Variants in MAN2B1 observed in about 807,000 individuals in gnomAD.
The protein encoded by MAN2B1 is lysosomal alpha-mannosidase.
In MAN2B1, 99 loss-of-function variants were observed where a neutral mutation model predicts 127.5. The observed-to-expected ratio is 0.78, with a 90% CI of 0.66 to 0.92. MAN2B1 has a LOEUF of 0.92. MAN2B1 is among the 40% of genes least tolerant of loss of function. MAN2B1 has a pLI of 0.00. For missense variants in MAN2B1, 1,304 were observed against 1,384.8 expected (o/e 0.94, Z 0.93); for synonymous variants, 573 against 568.8 (o/e 1.01, Z -0.11).
Position 12,650,115 on chromosome 19 carries a change from C to G in MAN2B1, c.2154G>C (p.Pro718=), listed in dbSNP as rs1239156445. 6.2e-7 allele frequency: 1 copy of G among 1,613,838 alleles called. No individual in the cohort carries two copies. Among genetic ancestry groups the G allele is most frequent in the Non-Finnish European group, 8.5e-7 (1 of 1,179,836 alleles). The change falls in exon 17 of 24, where the codon CCG becomes CCC. Residue 718 remains proline (P), a synonymous_variant. Transcript: ENST00000456935. ...CCTGTGCCACTCACCCCACAGGTATCGGCCCCACCGACCACTCTAGCTCCA... is the reference window on the plus strand; with the variant it reads ...CCTGTGCCACTCACCCCACAGGTATGGGCCCCACCGACCACTCTAGCTCCA... ...RHLELEWSVG[P]IPVGDTWGKE... is the part of the protein sequence containing the mutation.
chr19:12,660,883 C>T (rs1204496085), intron 7 of MAN2B1: 1 of 301,310 alleles, frequency 3.3e-6, no homozygotes, highest in Non-Finnish European at 6.6e-6. Flanking sequence ...CTCAGGCTCC[C>T]GAGTAGCTGG....
At chr19:12,656,162 T>C (rs1383448533) in intron 13 of MAN2B1, 1 of 409,970 alleles carries the variant, frequency 2.4e-6, no homozygotes, top group South Asian at 3.0e-5. Flanking sequence ...GAGGAAGAGG[T>C]TTGGGGGAGG....
In MAN2B1 at chr19:12,656,970, C is replaced by T. The variant is rs1167317443; in HGVS notation, c.1506G>A (p.Pro502=). ...TCACGCGCGCCGCCGTCTGGCTGAG[C>T]GGGCAGATGCTGATGTTTAGCTGTT... ...FCQQLNISIC[P]LSQTAARFQV... is the part of the protein sequence containing the mutation. The change falls in exon 12 of 24, where the codon CCG becomes CCA. Residue 502 remains proline (P), a synonymous_variant. Coordinates refer to ENST00000456935, the MANE Select transcript of MAN2B1 (RefSeq NM_000528.4). 6.8e-6 allele frequency: 11 copies of T among 1,613,382 alleles called. No homozygotes were observed. The African/African-American group carries it at 1.3e-4, about 20-fold the overall frequency.
rs2145225321 is a variant in MAN2B1 at position 12,648,298 on chromosome 19, G to A, written c.2541C>T (p.Asp847=). 4 of 1,612,718 alleles carry A rather than the reference G, an allele frequency of 2.5e-6. No individual in the cohort carries two copies. Among genetic ancestry groups the A allele is most frequent in the Non-Finnish European group, 3.4e-6 (4 of 1,179,742 alleles). ...GTCCGGCGGCTGCAGCCTGGGCTGT[G>A]TCCAGCAGCACCAGGTGGCGCCCTC... ...WVRGRHLVLL[D]TAQAAAAGHR... Residue 847 remains aspartate, a synonymous_variant, in exon 21 of 24, where the codon GAC becomes GAT. Transcript: ENST00000456935.
At chr19:12,649,699 G>A (rs1264155239) in intron 18 of MAN2B1, among the ~76,000 whole-genome samples, 2 of 151,778 alleles carry the variant, frequency 1.3e-5, no homozygotes, top group Non-Finnish European at 2.9e-5. Flanking sequence ...AGCCAGGATA[G>A]TCTCGATCTC....
chr19:12,649,036 G>A, intron 20 of MAN2B1, 100 bp downstream of exon 20: 1 of 958,366 alleles, frequency 1.0e-6, no homozygotes, highest in East Asian at 2.5e-5. Flanking sequence ...CAGCTTAGTG[G>A]GGCCTGAAAG....
chr19:12,659,094 T>C (rs1163613892), intron 7 of MAN2B1: 1 of 166,126 alleles, frequency 6.0e-6, no homozygotes, highest in Non-Finnish European at 1.3e-5. Context: ...CCTGACCTCA[T>C]GATCCGCCCG....
rs2023735522 is a variant in MAN2B1 at position 12,647,973 on chromosome 19, G to A, written c.2664+202C>T. ...GTTGGTGGTTTAGGGGCATGAGCTA[G>A]GGCTGTGCCTCTACACAGTCCAGGG... On this transcript the variant is annotated intron_variant, in intron 21 of 23. Coordinates refer to ENST00000456935, the MANE Select transcript of MAN2B1 (RefSeq NM_000528.4). The surrounding 1 kb of genome is among the most constrained non-coding windows in gnomAD (Gnocchi z 4.9). 1.3e-5 allele frequency among the ~76,000 whole-genome samples: 2 copies of A among 152,164 alleles called. No individual in the cohort carries two copies. The highest frequency in any genetic ancestry group is 4.1e-4 in the South Asian group (2 of 4,834).
Position 12,658,362 on chromosome 19 carries a change from T to C in MAN2B1, c.1110-18A>G, listed in dbSNP as rs749676791. On this transcript the variant is annotated intron_variant, in intron 8 of 23. Transcript: ENST00000456935. Reference sequence around the variant, plus strand: ...TCACTGACCTACAGCGGCAGGGGCATTGAGGGCAGGGTCATGACCCACGGG... The same window carrying C: ...TCACTGACCTACAGCGGCAGGGGCACTGAGGGCAGGGTCATGACCCACGGG... 4.3e-6 allele frequency: 7 copies of C among 1,614,188 alleles called. No individual in the cohort carries two copies. The highest frequency in any genetic ancestry group is 2.7e-5 in the African/African-American group (2 of 75,042).
intron 14 of MAN2B1, 76 bp from the exon 15 acceptor site, chr19:12,652,536 CTT>C (rs71168621): frequency 5.5e-4 from 429 of 777,068 alleles, no homozygotes; most frequent in East Asian, 9.4e-4. Flanking sequence ...TTTCTTTTTT[CTT>C]TTTTTTTTTT....
chr19:12,654,959 C>T (rs184256071), intron 14 of MAN2B1, among the ~76,000 whole-genome samples: 231 of 152,252 alleles, frequency 1.5e-3, no homozygotes, highest in Non-Finnish European at 3.0e-3. Flanking sequence ...ATCCACGATG[C>T]CTGGCCTATT....
chr19:12,650,973 C>CT (rs60721799), intron 16 of MAN2B1, among the ~76,000 whole-genome samples: 10,554 of 130,246 alleles, frequency 0.081, 549 homozygotes, highest in African/African-American at 0.13. Flanking sequence ...CACCCGGCCT[C>CT]TTTTTTTTTT....
intron 7 of MAN2B1, chr19:12,660,752 ATTTTTTTTTTTTTTT>A (rs1168857464): frequency 9.8e-6 from 1 of 102,094 alleles, no homozygotes; most frequent in Non-Finnish European, 1.9e-5. Context: ...CTCAGGCTGG[ATTTTTTTTTTTTTTT>A]TTTTTTTTTG....
Position 12,648,396 on chromosome 19 carries a change from G to T in MAN2B1, c.2443C>A (p.Arg815=), listed in dbSNP as rs1269545884. The T allele has an allele frequency of 6.2e-7, 1 of 1,611,502 alleles. No individual in the cohort carries two copies. The highest frequency in any genetic ancestry group is 2.2e-5 in the East Asian group (1 of 44,786). ...CGTCCATCGTCCTTCAGCAGCCTTC[G>T]GTGCACCTGGGGGGAGAGTGGCCAG... The part of the protein sequence containing the change: ...RDGSLELMVH[R]RLLKDDGRGV... The change falls in exon 21 of 24, where the codon CGA becomes AGA. Residue 815 remains arginine (R), a synonymous_variant. Coordinates refer to ENST00000456935, the MANE Select transcript of MAN2B1 (RefSeq NM_000528.4).
Position 12,658,354 on chromosome 19 carries a change from C to T in MAN2B1, c.1110-10G>A. 1 of 1,614,228 alleles carries T rather than the reference C, an allele frequency of 6.2e-7. No homozygotes were observed. Among genetic ancestry groups the T allele is most frequent in the South Asian group, 1.1e-5 (1 of 91,090 alleles). ...GTCATGTTTCACTGACCTACAGCGG[C>T]AGGGGCATTGAGGGCAGGGTCATGA... On this transcript the variant is annotated splice_polypyrimidine_tract_variant and intron_variant, in intron 8 of 23. Coordinates refer to ENST00000456935, the MANE Select transcript of MAN2B1 (RefSeq NM_000528.4).
At chr19:12,665,829 A>G in intron 1 of MAN2B1, 24 bp from the exon 2 acceptor site, 3 of 1,586,392 alleles carry the variant, frequency 1.9e-6, no homozygotes, top group Non-Finnish European at 2.6e-6. Flanking sequence ...CCAAACACAC[A>G]TACCTTGTCA....
Position 12,647,962 on chromosome 19 carries a change from G to T in MAN2B1, c.2664+213C>A, listed in dbSNP as rs2023735270. On this transcript the variant is annotated intron_variant, in intron 21 of 23. Transcript: ENST00000456935. This position sits in a 1 kb window ranked among gnomAD's most constrained non-coding sequence, Gnocchi z 4.9. ...GCCGGAGGTGAGTTGGTGGTTTAGG[G>T]GCATGAGCTAGGGCTGTGCCTCTAC... 6.6e-6 allele frequency among the ~76,000 whole-genome samples: 1 copy of T among 152,156 alleles called. No homozygotes were observed. The highest frequency in any genetic ancestry group is 6.5e-5 in the Admixed American group (1 of 15,276).
Position 12,663,457 on chromosome 19 carries a change from G to T in MAN2B1, c.769C>A (p.Leu257Ile). Reference protein sequence around the residue: ...PPTADLFTGVLPNGYNPPRNL... With the variant: ...PPTADLFTGVIPNGYNPPRNL... ...CTTGGCGGGTTGTAACCATTGGGAA[G>T]CACACCTGCAGGTCACACCAAGTTC... The change falls in exon 6 of 24, where the codon CTT becomes ATT. Residue 257 changes from leucine to isoleucine, a missense_variant. Transcript: ENST00000456935. 1.2e-6 allele frequency: 2 copies of T among 1,613,954 alleles called. No homozygotes were observed. The highest frequency in any genetic ancestry group is 1.7e-6 in the Non-Finnish European group (2 of 1,179,994).
At chr19:12,666,453 C>T in intron 1 of MAN2B1, 90 bp downstream of exon 1, 3 of 1,412,490 alleles carry the variant, frequency 2.1e-6, no homozygotes, top group Admixed American at 4.0e-5. Context: ...ATTCACTAGA[C>T]ACCCACAGGA....
Sources: allele counts gnomAD v4.1 joint callset (sites outside exome capture counted in the v4.1 genomes callset), GRCh38; gene constraint gnomAD v4.1.1; non-coding constraint Gnocchi (gnomAD v3.1); transcripts MANE v1.5; gene names NCBI Gene and HGNC (gene_info 2026-07-23, HGNC 2026-07-21).